Variants in LONRF2 observed in about 807,000 individuals in gnomAD.
LONRF2 encodes LON peptidase N-terminal domain and RING finger protein 2.
LONRF2 carries 35 observed loss-of-function variants against 66.6 expected under a neutral mutation model. The observed-to-expected ratio is 0.53, with a 90% CI of 0.40 to 0.70. The LOEUF is 0.70. LONRF2 is among the 30% of genes least tolerant of loss of function. LONRF2 has a pLI of 0.00. For synonymous variants in LONRF2, 417 were observed against 418.1 expected (o/e 1.00, Z 0.03); for missense variants, 902 against 1,002.1 (o/e 0.90, Z 1.35).
In LONRF2 at chr2:100,282,188, G is replaced by C. The variant is rs1272551425; in HGVS notation, c.*2110C>G. 6.6e-6 allele frequency: 1 copy of C among 152,192 alleles called. No individual in the cohort carries two copies. The highest frequency in any genetic ancestry group is 1.5e-5 in the Non-Finnish European group (1 of 68,038). The allele number at this position is 152,192 out of a possible 1,614,324, so 9.4% of individuals were successfully genotyped here. A position where few individuals can be genotyped will look rare whatever the true frequency, so the allele number is the denominator to read the frequency against. ...CATGCCGAAGGAGAAGACTCAGAAA[G>C]CCAGGCAGAATCATGAAGAAATAAC... On this transcript the variant is annotated 3_prime_UTR_variant, in exon 12 of 12. Coordinates refer to ENST00000393437, the MANE Select transcript of LONRF2 (RefSeq NM_198461.4).
Position 100,278,080 on chromosome 2 carries a change from C to A in LONRF2, c.*6218G>T, listed in dbSNP as rs955161991. ...ACACAATCGGTTTCACGAAGACACACAATGGTCTCCTCAAACAACTCCATT... is the reference window on the plus strand; with the variant it reads ...ACACAATCGGTTTCACGAAGACACAAAATGGTCTCCTCAAACAACTCCATT... On this transcript the variant is annotated 3_prime_UTR_variant, in exon 12 of 12. Coordinates refer to ENST00000393437, the MANE Select transcript of LONRF2 (RefSeq NM_198461.4). 2.0e-5 allele frequency: 3 copies of A among 152,260 alleles called. No homozygotes were observed. Among genetic ancestry groups the A allele is most frequent in the Non-Finnish European group, 2.9e-5 (2 of 68,022 alleles). 9.4% of individuals were successfully genotyped at this position (152,260 alleles called of 1,614,324 possible). A position where few individuals can be genotyped will look rare whatever the true frequency, so the allele number is the denominator to read the frequency against.
chr2:100,295,383 A>G lies in LONRF2; in HGVS notation c.1598+49T>C, dbSNP rs190464855. On this transcript the variant is annotated intron_variant, in intron 8 of 11. Coordinates refer to ENST00000393437, the MANE Select transcript of LONRF2 (RefSeq NM_198461.4). ...AATCTGAGGTGAAGCTGAAGTTGAC[A>G]AAGTTCAATCTGAACTTAAGACCAA... 56 of 1,558,788 alleles carry G rather than the reference A, an allele frequency of 3.6e-5. No homozygotes were observed. The African/African-American group carries it at 5.9e-4, about 17-fold the overall frequency.
At chr2:100,292,764 A>C (rs1468233030) in intron 9 of LONRF2, among the ~76,000 whole-genome samples, 1 of 152,204 alleles carries the variant, frequency 6.6e-6, no homozygotes. Flanking sequence ...TTATAAAGGC[A>C]GTCCCCAATA....
rs1377445592 is a variant in LONRF2, at chr2:100,294,828, A to T, written c.1599-441T>A. Among the ~76,000 whole-genome samples the T allele has an allele frequency of 2.0e-5, 3 of 152,146 alleles. No homozygotes were observed. The East Asian group carries it at 5.8e-4, about 29-fold the overall frequency. On this transcript the variant is annotated intron_variant, in intron 8 of 11. Coordinates refer to ENST00000393437, the MANE Select transcript of LONRF2 (RefSeq NM_198461.4). ...TTCGCAATCCTGGGTATTAGTTCTC[A>T]TTCTCTCTACTTTTTAAAACTGTGC...
chr2:100,284,334 C>G lies in LONRF2; in HGVS notation c.2229G>C (p.Arg743=). ...TCTCCCTGGCATTAGCCAGCTCTTG[C>G]CGACTATTCATCTTACGCGTGATGA... ...LVIITRKMNS[R]QELANARERN... is the part of the protein sequence containing the mutation. The change falls in exon 12 of 12, where the codon CGG becomes CGC. Residue 743 remains arginine, a synonymous_variant. Coordinates refer to ENST00000393437, the MANE Select transcript of LONRF2 (RefSeq NM_198461.4). The G allele has an allele frequency of 6.3e-7, 1 of 1,576,038 alleles. No homozygotes were observed. Among genetic ancestry groups the G allele is most frequent in the Non-Finnish European group, 8.6e-7 (1 of 1,158,804 alleles).
In LONRF2 at chr2:100,276,833, G is replaced by C. The variant is rs570402828; in HGVS notation, c.*7465C>G. On this transcript the variant is annotated 3_prime_UTR_variant, in exon 12 of 12. Coordinates refer to ENST00000393437, the MANE Select transcript of LONRF2 (RefSeq NM_198461.4). ...TTGCACAGCTTCTTGGCTGCCGTTT[G>C]CCTTCTGCCCTGAGGGGCACATACA... 6 of 152,292 alleles carry C rather than the reference G, an allele frequency of 3.9e-5. No homozygotes were observed. The highest frequency in any genetic ancestry group is 4.1e-4 in the South Asian group (2 of 4,830). 9.4% of individuals were successfully genotyped at this position (152,292 alleles called of 1,614,324 possible).
intron 10 of LONRF2, 76 bp downstream of exon 10, chr2:100,290,182 G>T: frequency 1.4e-6 from 2 of 1,395,716 alleles, no homozygotes; most frequent in South Asian, 2.8e-5. Context: ...GTACAAGTTT[G>T]ACAAAGCTTT....
At chr2:100,285,054 C>T (rs919534685) in intron 11 of LONRF2, among the ~76,000 whole-genome samples, 4 of 152,200 alleles carry the variant, frequency 2.6e-5, no homozygotes, top group African/African-American at 9.7e-5. Context: ...TCAAACAAAG[C>T]ACTTCTAGAC....
In LONRF2 at chr2:100,282,650, T is replaced by C. The variant is rs1456554563; in HGVS notation, c.*1648A>G. On this transcript the variant is annotated 3_prime_UTR_variant, in exon 12 of 12. Transcript: ENST00000393437. ...TTAATAAAATCTCTTAGAAATCACT[T>C]GGCCAAACTGCCATTAAACCATCTC... is the stretch of plus-strand genomic sequence containing the variant. The C allele has an allele frequency of 1.3e-5, 2 of 152,222 alleles. No individual in the cohort carries two copies. Among genetic ancestry groups the C allele is most frequent in the South Asian group, 2.1e-4 (1 of 4,834 alleles). The allele number at this position is 152,222 out of a possible 1,614,324, so 9.4% of individuals were successfully genotyped here. A position where few individuals can be genotyped will look rare whatever the true frequency, so the allele number is the denominator to read the frequency against.
At chr2:100,320,039 C>A (rs943599525) in intron 1 of LONRF2, among the ~76,000 whole-genome samples, 3 of 152,112 alleles carry the variant, frequency 2.0e-5, no homozygotes, top group Admixed American at 6.5e-5. Context: ...TTGGGTAGTG[C>A]AGTAAATGCA....
chr2:100,318,402 C>T (rs1242022683), intron 1 of LONRF2, among the ~76,000 whole-genome samples: 2 of 152,134 alleles, frequency 1.3e-5, no homozygotes, highest in South Asian at 2.1e-4. Flanking sequence ...CATAACTTAT[C>T]GGCCAAAAGT....
chr2:100,319,955 G>T (rs1675587356), intron 1 of LONRF2, among the ~76,000 whole-genome samples: 1 of 152,156 alleles, frequency 6.6e-6, no homozygotes, highest in Non-Finnish European at 1.5e-5. Context: ...AAATATCACA[G>T]TTTTCATTTT....
intron 1 of LONRF2, among the ~76,000 whole-genome samples, chr2:100,317,837 G>A (rs1004811582): frequency 1.3e-5 from 2 of 151,782 alleles, no homozygotes; most frequent in Admixed American, 6.6e-5. Flanking sequence ...TGATTCCTTC[G>A]AAGGAAATAT....
intron 7 of LONRF2, among the ~76,000 whole-genome samples, chr2:100,297,923 A>G (rs577925690): frequency 6.6e-6 from 1 of 152,366 alleles, no homozygotes; most frequent in South Asian, 2.1e-4. Context: ...ACTTCACTTA[A>G]GTATAATATC....
At chr2:100,320,596 C>T (rs973921874) in intron 1 of LONRF2, among the ~76,000 whole-genome samples, 5 of 152,218 alleles carry the variant, frequency 3.3e-5, no homozygotes, top group African/African-American at 1.2e-4. Flanking sequence ...GTCTTCTCGG[C>T]TAGTGCTTTA....
In LONRF2 at chr2:100,321,832, C is replaced by A. The variant is rs1457732407; in HGVS notation, c.262G>T (p.Gly88Trp). ...TCCAGCTCCTCCGGCCGCAGCGCCC[C>A]GAGCCGCGCGGCGCCGCGGAACGCG... Reference protein sequence around the residue: ...LGAFRGAARLGALRPEELEEL... With the variant: ...LGAFRGAARLWALRPEELEEL... The change falls in exon 1 of 12, where the codon GGG (glycine) becomes TGG (tryptophan). Residue 88 changes from glycine (G) to tryptophan (W), a missense_variant. Transcript: ENST00000393437. The A allele has an allele frequency of 4.4e-6, 5 of 1,126,390 alleles. No homozygotes were observed. The East Asian group carries it at 2.8e-4, about 63-fold the overall frequency. The allele number at this position is 1,126,390 out of a possible 1,614,324, so 69.8% of individuals were successfully genotyped here.
At chr2:100,293,404 G>T (rs1675001484) in intron 9 of LONRF2, among the ~76,000 whole-genome samples, 1 of 152,196 alleles carries the variant, frequency 6.6e-6, no homozygotes, top group African/African-American at 2.4e-5. Flanking sequence ...CACGTAGGTG[G>T]ACTATATTTG....
intron 9 of LONRF2, among the ~76,000 whole-genome samples, chr2:100,293,198 A>G (rs992576355): frequency 6.6e-6 from 1 of 152,212 alleles, no homozygotes; most frequent in Admixed American, 6.5e-5. Flanking sequence ...TAGAGATGGC[A>G]TCTCTACAGC....
At chr2:100,295,355 G>A in intron 8 of LONRF2, 77 bp downstream of exon 8, 1 of 1,441,958 alleles carries the variant, frequency 6.9e-7, no homozygotes, top group Admixed American at 2.2e-5. Flanking sequence ...GCCATGAAAA[G>A]AAAATCTGAG....
Sources: allele counts gnomAD v4.1 joint callset (sites outside exome capture counted in the v4.1 genomes callset), GRCh38; gene constraint gnomAD v4.1.1; transcripts MANE v1.5; gene names NCBI Gene and HGNC (gene_info 2026-07-23, HGNC 2026-07-21).